The following AR variants were observed in gnomAD, a reference collection of about 807,000 sequenced individuals.
AR encodes dihydrotestosterone receptor.
In AR, 8 loss-of-function variants were observed where a neutral mutation model predicts 53.9. That is an observed-to-expected ratio of 0.15 (90% CI 0.09 to 0.27). The LOEUF (loss-of-function observed/expected upper bound fraction) is 0.27. Ranked by LOEUF, AR falls within the 10% of genes least tolerant of loss-of-function variation. The probability of loss-of-function intolerance (pLI) is 1.00; values close to 1 mark genes in which losing one functional copy is unlikely to be tolerated. For missense variants in AR, 639 were observed against 742.5 expected, an observed-to-expected ratio of 0.86 and a Z score of 1.62; for synonymous variants, 359 against 316.4, an observed-to-expected ratio of 1.13 and a Z score of -1.43.
At chrX:67,605,522 A>G (rs1168024481) in intron 1 of AR, among the ~76,000 whole-genome samples, 6 of 111,617 alleles carry the variant, frequency 5.4e-5, no homozygotes. Flanking sequence ...TTCCACTTTC[A>G]TTGTGGACAG....
intron 5 of AR, among the ~76,000 whole-genome samples, chrX:67,719,034 C>G (rs1042353378): frequency 3.6e-5 from 4 of 111,018 alleles, no homozygotes; most frequent in African/African-American, 1.3e-4. Context: ...ACCTTCCCCC[C>G]TCTTCAGCCC....
At chrX:67,547,108 CT>C (rs1450363534) in intron 1 of AR, among the ~76,000 whole-genome samples, 1 of 111,576 alleles carries the variant, frequency 9.0e-6, no homozygotes, top group Non-Finnish European at 1.9e-5. Flanking sequence ...TCCACTCTTC[CT>C]TTCCTCCTGT....
chrX:67,694,749 A>T (rs1166384934), intron 3 of AR: 1 of 1,152,425 alleles, frequency 8.7e-7, no homozygotes, highest in Non-Finnish European at 1.1e-6. Flanking sequence ...CTCATTCAAA[A>T]TGAGGGCTCT....
At chrX:67,677,448 G>A (rs751138597) in intron 2 of AR, among the ~76,000 whole-genome samples, 5 of 111,700 alleles carry the variant, frequency 4.5e-5, no homozygotes, top group Non-Finnish European at 5.6e-5. Flanking sequence ...ACAATCTAAC[G>A]AGGGAGATAA....
At chrX:67,695,114 G>T (rs781375562) in intron 3 of AR, 2 of 768,092 alleles carry the variant, frequency 2.6e-6, no homozygotes, top group Non-Finnish European at 3.1e-6. Context: ...GCTTTTCGTG[G>T]TGTGCTGCCA....
rs1160582801 is a variant in AR, at chrX:67,725,287, A to G, written c.*1446A>G. On this transcript the variant is annotated 3_prime_UTR_variant, in exon 8 of 8. Coordinates refer to ENST00000374690, the MANE Select transcript of AR (RefSeq NM_000044.6). ...ACAAAGATTTCTTACCAACTCTCAG[A>G]TCGCTGGAGCCCTTAGACAAACTGG... 2 of 173,152 alleles carry G rather than the reference A, an allele frequency of 1.2e-5. No individual in the cohort carries two copies. Among genetic ancestry groups the G allele is most frequent in the Non-Finnish European group, 2.2e-5 (2 of 91,112 alleles). 14.3% of individuals were successfully genotyped at this position (173,152 alleles called of 1,213,427 possible).
chrX:67,553,689 C>T (rs1022676860), intron 1 of AR, among the ~76,000 whole-genome samples: 2 of 111,904 alleles, frequency 1.8e-5, no homozygotes, highest in Non-Finnish European at 3.8e-5. Flanking sequence ...CATAAATATG[C>T]GATGTCTTCC....
intron 2 of AR, among the ~76,000 whole-genome samples, chrX:67,646,460 G>A (rs1261077338): frequency 9.0e-6 from 1 of 111,078 alleles, no homozygotes; most frequent in African/African-American, 3.3e-5. Flanking sequence ...AGTGTGTATG[G>A]GGAGAGAAAG....
intron 1 of AR, among the ~76,000 whole-genome samples, chrX:67,615,659 A>G (rs1374256671): frequency 9.0e-6 from 1 of 111,670 alleles, no homozygotes; most frequent in African/African-American, 3.2e-5. Flanking sequence ...ATCATTATAT[A>G]TTCTTTTCCA....
intron 2 of AR, among the ~76,000 whole-genome samples, chrX:67,664,689 G>T (rs1400938824): frequency 8.9e-6 from 1 of 112,431 alleles, no homozygotes; most frequent in Non-Finnish European, 1.9e-5. Context: ...GCTGCCTTTT[G>T]TTCGGCTATG....
chrX:67,716,627 G>T (rs1388512098), intron 4 of AR, among the ~76,000 whole-genome samples: 1 of 111,065 alleles, frequency 9.0e-6, no homozygotes, highest in Non-Finnish European at 1.9e-5. Flanking sequence ...CTATTGAGTA[G>T]AAAAGAATGG....
At chrX:67,637,816 T>C (rs1054462820) in intron 1 of AR, among the ~76,000 whole-genome samples, 22 of 111,372 alleles carry the variant, frequency 2.0e-4, no homozygotes, top group African/African-American at 7.2e-4. Flanking sequence ...TTTGTTTATC[T>C]GATAACTTTT....
intron 1 of AR, among the ~76,000 whole-genome samples, chrX:67,609,424 A>T (rs1229115960): frequency 9.0e-6 from 1 of 111,396 alleles, no homozygotes; most frequent in Admixed American, 9.6e-5. Flanking sequence ...ATAAGTTTTT[A>T]TTCTACCCTA....
intron 3 of AR, among the ~76,000 whole-genome samples, chrX:67,707,722 A>T (rs1330113385): frequency 9.0e-6 from 1 of 111,692 alleles, no homozygotes; most frequent in African/African-American, 3.3e-5. Context: ...TGGTTGATGC[A>T]GTTTCTTCCT....
intron 1 of AR, among the ~76,000 whole-genome samples, chrX:67,585,710 C>T (rs1922509623): frequency 1.8e-5 from 2 of 112,039 alleles, no homozygotes; most frequent in Admixed American, 1.9e-4. Flanking sequence ...CATTATTGGT[C>T]ACAACGTTTG....
chrX:67,571,489 G>A (rs1244081017), intron 1 of AR, among the ~76,000 whole-genome samples: 3 of 111,571 alleles, frequency 2.7e-5, no homozygotes, highest in East Asian at 5.7e-4. Context: ...CCCTGAGAAG[G>A]AAGTGGTCAT....
intron 1 of AR, chrX:67,569,087 G>A: frequency 1.8e-6 from 2 of 1,134,197 alleles, no homozygotes. Flanking sequence ...TGTAAGGTTT[G>A]GACTGTGACC....
chrX:67,717,494 C>A lies in AR; in HGVS notation c.2190C>A (p.His730Gln). The change falls in exon 5 of 8, where the codon CAC (histidine) becomes CAA (glutamine). Residue 730 changes from histidine (H) to glutamine (Q), a missense_variant. Physicochemically the swap from His to Gln is conservative, Grantham distance 24. Transcript: ENST00000374690. ...AKALPGFRNL[H>Q]VDDQMAVIQY... ...CTTCTCCAGGCTTCCGCAACTTACACGTGGACGACCAGATGGCTGTCATTC... is the reference window on the plus strand; with the variant it reads ...CTTCTCCAGGCTTCCGCAACTTACAAGTGGACGACCAGATGGCTGTCATTC... 3 of 1,211,862 alleles carry A rather than the reference C, an allele frequency of 2.5e-6. No individual in the cohort carries two copies. In the South Asian group the frequency reaches 5.3e-5, roughly 21 times the overall value.
chrX:67,558,983 T>G (rs1329930529), intron 1 of AR, among the ~76,000 whole-genome samples: 1 of 112,098 alleles, frequency 8.9e-6, no homozygotes, highest in Admixed American at 9.5e-5. Context: ...TCTAGGTAGT[T>G]CAGCTCCACA....
Sources: allele counts gnomAD v4.1 joint callset (sites outside exome capture counted in the v4.1 genomes callset), GRCh38; gene constraint gnomAD v4.1.1; transcripts MANE v1.5; gene names NCBI Gene and HGNC (gene_info 2026-07-23, HGNC 2026-07-21).